POMT2: variants seen among roughly 807,000 people sequenced by gnomAD.
The protein encoded by POMT2 is protein O-mannosyltransferase 2, also known as protein O-mannosyl-transferase 2.
In POMT2, 75 loss-of-function variants were observed where a neutral mutation model predicts 100.0. That is an observed-to-expected ratio of 0.75 (90% CI 0.62 to 0.91). The LOEUF is 0.91. POMT2 is among the 40% of genes least tolerant of loss of function. The pLI is 0.00. For missense variants in POMT2, 940 were observed against 955.1 expected, an observed-to-expected ratio of 0.98 and a Z score of 0.21; for synonymous variants, 378 against 374.1, an observed-to-expected ratio of 1.01 and a Z score of -0.12.
chr14:77,295,888 G>A (rs1332847042), intron 9 of POMT2, among the ~76,000 whole-genome samples: 2 of 152,010 alleles, frequency 1.3e-5, no homozygotes, highest in Admixed American at 1.3e-4. Flanking sequence ...AATATGAGAA[G>A]GTTTACCACG....
Position 77,276,454 on chromosome 14 carries a change from A to T in POMT2, c.*922T>A, listed in dbSNP as rs1889957261. ...ACGCAGATTCCCTGCCCTGTCTCTC[A>T]TCTACCTTGGGCGCTAAGCAAGGTT... is the stretch of plus-strand genomic sequence containing the variant. On this transcript the variant is annotated 3_prime_UTR_variant, in exon 21 of 21. Coordinates refer to ENST00000261534, the MANE Select transcript of POMT2 (RefSeq NM_013382.7). 1 of 152,614 alleles carries T rather than the reference A, an allele frequency of 6.6e-6. No individual in the cohort carries two copies. Among genetic ancestry groups the T allele is most frequent in the Non-Finnish European group, 1.5e-5 (1 of 68,170 alleles). The allele number at this position is 152,614 out of a possible 1,614,324, so 9.5% of individuals were successfully genotyped here.
At chr14:77,311,437 C>G (rs1242617393) in intron 2 of POMT2, among the ~76,000 whole-genome samples, 2 of 152,224 alleles carry the variant, frequency 1.3e-5, no homozygotes, top group Admixed American at 1.3e-4. Context: ...CTACCTAATT[C>G]TGTAACATGT....
intron 18 of POMT2, 103 bp downstream of exon 18, chr14:77,279,720 G>C (rs763431082): frequency 1.7e-5 from 20 of 1,156,798 alleles, no homozygotes; most frequent in Middle Eastern, 1.9e-4. Flanking sequence ...GTGTGGGGTG[G>C]TAAACGCAAA....
intron 1 of POMT2, among the ~76,000 whole-genome samples, chr14:77,315,989 C>CGACA (rs1367563728): frequency 6.6e-6 from 1 of 152,118 alleles, no homozygotes; most frequent in African/African-American, 2.4e-5. Flanking sequence ...CCAGCCTGGG[C>CGACA]GACAGAGCGA....
intron 12 of POMT2, among the ~76,000 whole-genome samples, chr14:77,285,992 G>A (rs1261704642): frequency 6.6e-6 from 1 of 152,184 alleles, no homozygotes; most frequent in Non-Finnish European, 1.5e-5. Flanking sequence ...TGGGCCATTT[G>A]CATCCATTAC....
rs752755681 is a variant in POMT2, at chr14:77,278,957, G to GT, written c.1892-89dup. ...TCCAGCTCTGCCCCTTCCTTGCTGT[G>GT]TGACCTTGAATATGTCATATCACCT... On this transcript the variant is annotated intron_variant, in intron 18 of 20. Coordinates refer to ENST00000261534, the MANE Select transcript of POMT2 (RefSeq NM_013382.7). 1.3e-5 allele frequency: 19 copies of GT among 1,483,658 alleles called. No homozygotes were observed. In the African/African-American group the frequency reaches 2.4e-4, roughly 18 times the overall value. 91.9% of individuals were successfully genotyped at this position (1,483,658 alleles called of 1,614,324 possible). A position where few individuals can be genotyped will look rare whatever the true frequency, so the allele number is the denominator to read the frequency against.
intron 18 of POMT2, chr14:77,279,618 A>G (rs557913952): frequency 1.4e-4 from 96 of 691,966 alleles, no homozygotes; most frequent in Admixed American, 2.6e-4. Context: ...ATAATAGCCA[A>G]CGCTCTAGTG....
chr14:77,280,320 C>T (rs1890170880), intron 16 of POMT2, 72 bp downstream of exon 16: 5 of 1,605,520 alleles, frequency 3.1e-6, no homozygotes, highest in Non-Finnish European at 4.3e-6. Flanking sequence ...ACACCCACCC[C>T]CGCCTCCACC....
intron 11 of POMT2, 178 bp from the exon 12 acceptor site, chr14:77,287,000 C>A: frequency 7.6e-7 from 1 of 1,323,516 alleles, no homozygotes; most frequent in Non-Finnish European, 1.0e-6. Context: ...ATCCTGAGAA[C>A]TGGAGAAGAG....
In POMT2 at chr14:77,278,878, A is replaced by C; in HGVS notation, c.1892-9T>G. ...CAGGACCTGGGACAACCCTGGGCCC[A>C]AGCAGCACAGCCCAGTCAGAAGACA... On this transcript the variant is annotated splice_polypyrimidine_tract_variant and intron_variant, in intron 18 of 20. Coordinates refer to ENST00000261534, the MANE Select transcript of POMT2 (RefSeq NM_013382.7). 1.9e-6 allele frequency: 3 copies of C among 1,612,606 alleles called. No individual in the cohort carries two copies. The highest frequency in any genetic ancestry group is 2.5e-6 in the Non-Finnish European group (3 of 1,179,440).
At chr14:77,315,865 T>C (rs1287552199) in intron 1 of POMT2, among the ~76,000 whole-genome samples, 1 of 151,890 alleles carries the variant, frequency 6.6e-6, no homozygotes, top group Non-Finnish European at 1.5e-5. Context: ...TACAAAAAGG[T>C]AGCCAGGCGT....
chr14:77,315,477 T>A (rs1293953673), intron 1 of POMT2, among the ~76,000 whole-genome samples: 1 of 152,202 alleles, frequency 6.6e-6, no homozygotes, highest in African/African-American at 2.4e-5. Flanking sequence ...TGAGCCACGC[T>A]CCCTGTAGGG....
Position 77,277,028 on chromosome 14 carries a change from C to G in POMT2, c.*348G>C, listed in dbSNP as rs1021721108. On this transcript the variant is annotated 3_prime_UTR_variant, in exon 21 of 21. Coordinates refer to ENST00000261534, the MANE Select transcript of POMT2 (RefSeq NM_013382.7). ...TTAGAGTTTATGACACTCAGCTGTCCAGTTACACGGTCTGTATTCCACAGG... is the reference window on the plus strand; with the variant it reads ...TTAGAGTTTATGACACTCAGCTGTCGAGTTACACGGTCTGTATTCCACAGG... 3.3e-6 allele frequency: 1 copy of G among 306,334 alleles called. No individual in the cohort carries two copies. Among genetic ancestry groups the G allele is most frequent in the Non-Finnish European group, 6.3e-6 (1 of 158,306 alleles). 19.0% of individuals were successfully genotyped at this position (306,334 alleles called of 1,614,324 possible). A position where few individuals can be genotyped will look rare whatever the true frequency, so the allele number is the denominator to read the frequency against.
chr14:77,285,394 G>A (rs918616065), intron 13 of POMT2, 87 bp downstream of exon 13: 58 of 1,560,036 alleles, frequency 3.7e-5, no homozygotes, highest in Non-Finnish European at 4.7e-5. Context: ...GGTGAACACA[G>A]GAAAACAAAA....
Position 77,277,042 on chromosome 14 carries a change from G to T in POMT2, c.*334C>A. ...ACTCAGCTGTCCAGTTACACGGTCT[G>T]TATTCCACAGGGATATGGACAACAT... On this transcript the variant is annotated 3_prime_UTR_variant, in exon 21 of 21. Coordinates refer to ENST00000261534, the MANE Select transcript of POMT2 (RefSeq NM_013382.7). 1 of 356,504 alleles carries T rather than the reference G, an allele frequency of 2.8e-6. No homozygotes were observed. The highest frequency in any genetic ancestry group is 5.4e-6 in the Non-Finnish European group (1 of 186,898). The allele number at this position is 356,504 out of a possible 1,614,324, so 22.1% of individuals were successfully genotyped here. A position where few individuals can be genotyped will look rare whatever the true frequency, so the allele number is the denominator to read the frequency against.
At chr14:77,319,909 T>C (rs1464102501) in intron 1 of POMT2, among the ~76,000 whole-genome samples, 2 of 152,208 alleles carry the variant, frequency 1.3e-5, no homozygotes, top group Admixed American at 6.5e-5. Context: ...ATCTGGATAG[T>C]ACAAGCTAAA....
At chr14:77,292,149 G>A (rs1419728393) in intron 9 of POMT2, among the ~76,000 whole-genome samples, 1 of 152,052 alleles carries the variant, frequency 6.6e-6, no homozygotes, top group African/African-American at 2.4e-5. Context: ...TCCTGTCCTA[G>A]AATTTAACTC....
chr14:77,280,989 G>A (rs1031689924), intron 15 of POMT2, among the ~76,000 whole-genome samples: 12 of 152,106 alleles, frequency 7.9e-5, no homozygotes, highest in Non-Finnish European at 1.3e-4. Context: ...AGCCACTTGG[G>A]AGGCTGAGGC....
At chr14:77,318,364 G>C (rs1235105923) in intron 1 of POMT2, among the ~76,000 whole-genome samples, 1 of 152,144 alleles carries the variant, frequency 6.6e-6, no homozygotes, top group Non-Finnish European at 1.5e-5. Flanking sequence ...AACTCACATG[G>C]ACACGGCCAG....
Sources: gnomAD v4.1 joint callset for allele counts (sites outside exome capture counted in the v4.1 genomes callset) on GRCh38, gnomAD v4.1.1 for gene constraint, MANE v1.5 for transcripts, NCBI Gene and HGNC (gene_info 2026-07-23, HGNC 2026-07-21) for gene names.